The following FAR2 variants were observed in gnomAD, a reference collection of about 807,000 sequenced individuals.
The protein encoded by FAR2 is fatty acyl-CoA reductase 2, also known as epididymis secretory protein Li 81.
A neutral mutation model predicts 56.0 loss-of-function variants in FAR2; 19 were observed. The ratio of observed to expected loss-of-function variants is 0.34; its 90% confidence interval spans 0.24 to 0.50. FAR2 has a LOEUF of 0.50. Among genes scored for constraint, FAR2 ranks in the 20% least tolerant of loss-of-function variants. The pLI is 0.98. For missense variants in FAR2, 508 were observed against 642.2 expected (o/e 0.79, Z 2.26); for synonymous variants, 219 against 218.8 (o/e 1.00, Z -0.01).
chr12:29,315,914 A>G (rs924748870), intron 8 of FAR2, among the ~76,000 whole-genome samples: 5 of 152,210 alleles, frequency 3.3e-5, no homozygotes, highest in East Asian at 3.9e-4. Flanking sequence ...GGATATATAC[A>G]TCAGAATGTC....
chr12:29,249,816 A>T (rs776337951), intron 1 of FAR2, among the ~76,000 whole-genome samples: 6 of 152,200 alleles, frequency 3.9e-5, no homozygotes, highest in Non-Finnish European at 7.3e-5. Flanking sequence ...GATATATTCT[A>T]AGGTACAAGA....
At chr12:29,198,031 T>C (rs1458278474) in intron 1 of FAR2, among the ~76,000 whole-genome samples, 2 of 152,224 alleles carry the variant, frequency 1.3e-5, no homozygotes, top group East Asian at 1.9e-4. Flanking sequence ...TTCAAGTAGA[T>C]GTGACATTGC....
chr12:29,304,046 A>C (rs1949218030), intron 4 of FAR2, among the ~76,000 whole-genome samples: 1 of 152,200 alleles, frequency 6.6e-6, no homozygotes, highest in Non-Finnish European at 1.5e-5. Flanking sequence ...TGGAAAGTTT[A>C]AGTTGACCTT....
chr12:29,317,866 C>G (rs1949479996), intron 9 of FAR2: 1 of 152,588 alleles, frequency 6.6e-6, no homozygotes, highest in African/African-American at 2.4e-5. Context: ...AAGGAAGTGA[C>G]AGGAAGGATG....
At chr12:29,160,501 C>T (rs978376921) in intron 1 of FAR2, among the ~76,000 whole-genome samples, 1 of 152,220 alleles carries the variant, frequency 6.6e-6, no homozygotes, top group Admixed American at 6.5e-5. Context: ...AGTTACTTAA[C>T]TTCCTGCTAT....
rs575262834 is a variant in FAR2 at position 29,274,072 on chromosome 12, T to C, written c.189+3434T>C. Among the ~76,000 whole-genome samples the C allele has an allele frequency of 1.8e-4, 27 of 152,220 alleles. No individual in the cohort carries two copies. In the South Asian group the frequency reaches 5.4e-3, roughly 30 times the overall value. On this transcript the variant is annotated intron_variant, in intron 2 of 11. Coordinates refer to ENST00000536681, the MANE Select transcript of FAR2 (RefSeq NM_001271783.2). ...CTTTTTCTTTTTTTTAATTATACTT[T>C]AAGTTTTAGGGTACGTGTGTGCAGG...
At chr12:29,209,349 G>A (rs927795010) in intron 1 of FAR2, among the ~76,000 whole-genome samples, 1 of 152,142 alleles carries the variant, frequency 6.6e-6, no homozygotes, top group African/African-American at 2.4e-5. Context: ...GATGCATCAG[G>A]TCAATCGTCA....
At chr12:29,300,478 T>C (rs1949144880) in intron 4 of FAR2, among the ~76,000 whole-genome samples, 1 of 152,240 alleles carries the variant, frequency 6.6e-6, no homozygotes, top group Admixed American at 6.5e-5. Context: ...TTTAGTTTCT[T>C]TGTTTTAGGA....
chr12:29,207,513 G>A (rs749808782), intron 1 of FAR2, among the ~76,000 whole-genome samples: 3 of 152,128 alleles, frequency 2.0e-5, no homozygotes, highest in Admixed American at 6.5e-5. Flanking sequence ...AAAGGGAGTC[G>A]GCACTATCAC....
At chr12:29,251,736 T>C (rs1173076861) in intron 1 of FAR2, among the ~76,000 whole-genome samples, 1 of 152,034 alleles carries the variant, frequency 6.6e-6, no homozygotes. Flanking sequence ...CCAAAAGCAA[T>C]ACCACATTCT....
chr12:29,312,749 T>C (rs1436950089), intron 8 of FAR2, among the ~76,000 whole-genome samples: 2 of 152,146 alleles, frequency 1.3e-5, no homozygotes, highest in Admixed American at 6.5e-5. Flanking sequence ...GGCTATTCTG[T>C]AGGATTTCTT....
chr12:29,178,418 G>A (rs763145790), intron 1 of FAR2, among the ~76,000 whole-genome samples: 17 of 152,114 alleles, frequency 1.1e-4, no homozygotes, highest in Non-Finnish European at 1.8e-4. Context: ...ACATGGCCAA[G>A]CCCCATCTCT....
intron 2 of FAR2, among the ~76,000 whole-genome samples, chr12:29,287,528 T>C (rs1948897779): frequency 6.6e-6 from 1 of 151,994 alleles, no homozygotes; most frequent in African/African-American, 2.4e-5. Context: ...AAAAATTCTC[T>C]AAAAAAAATT....
At chr12:29,185,314 G>T (rs757361179) in intron 1 of FAR2, among the ~76,000 whole-genome samples, 1 of 152,106 alleles carries the variant, frequency 6.6e-6, no homozygotes, top group Non-Finnish European at 1.5e-5. Context: ...CTGTCCTCTG[G>T]ATCCCTTTAC....
At chr12:29,218,288 G>A (rs1234895867) in intron 1 of FAR2, among the ~76,000 whole-genome samples, 1 of 152,016 alleles carries the variant, frequency 6.6e-6, no homozygotes, top group Non-Finnish European at 1.5e-5. Context: ...GAACCTGGGA[G>A]GTGGAGCTTG....
intron 2 of FAR2, among the ~76,000 whole-genome samples, chr12:29,272,492 G>A (rs377053061): frequency 5.9e-5 from 9 of 152,126 alleles, no homozygotes; most frequent in Admixed American, 4.6e-4. Context: ...GGTCCTTCAC[G>A]TTCCTCTCTA....
intron 6 of FAR2, among the ~76,000 whole-genome samples, chr12:29,310,486 C>T (rs1358892804): frequency 1.3e-5 from 2 of 151,914 alleles, no homozygotes; most frequent in African/African-American, 4.8e-5. Flanking sequence ...AATAATAAGG[C>T]AATTTTTCCA....
At chr12:29,237,971 G>C (rs562025174) in intron 1 of FAR2, among the ~76,000 whole-genome samples, 1 of 152,112 alleles carries the variant, frequency 6.6e-6, no homozygotes, top group African/African-American at 2.4e-5. Context: ...ACCAATGCAC[G>C]ATGTTAAAAC....
At chr12:29,244,538 G>A (rs1305565960) in intron 1 of FAR2, among the ~76,000 whole-genome samples, 6 of 152,096 alleles carry the variant, frequency 3.9e-5, no homozygotes, top group Non-Finnish European at 8.8e-5. Context: ...AAAGAGACCC[G>A]GCCTAGCATT....
Sources: gnomAD v4.1 joint callset for allele counts (sites outside exome capture counted in the v4.1 genomes callset) on GRCh38, gnomAD v4.1.1 for gene constraint, MANE v1.5 for transcripts, NCBI Gene and HGNC (gene_info 2026-07-23, HGNC 2026-07-21) for gene names.